Variants in SEMA3A observed in about 807,000 individuals in gnomAD.
SEMA3A encodes the protein semaphorin-3A.
Under a neutral mutation model 97.9 loss-of-function variants are expected in SEMA3A, and 29 were observed. That is an observed-to-expected ratio of 0.30 (90% confidence interval 0.22 to 0.40). SEMA3A has a LOEUF of 0.40. Among genes scored for constraint, SEMA3A ranks in the 10% least tolerant of loss-of-function variants. SEMA3A has a pLI of 1.00. For synonymous variants in SEMA3A, 321 were observed against 323.7 expected (o/e 0.99, Z 0.09); for missense variants, 763 against 951.3 (o/e 0.80, Z 2.60).
intron 3 of SEMA3A, among the ~76,000 whole-genome samples, chr7:84,206,119 C>T (rs1211394270): frequency 1.3e-5 from 2 of 152,100 alleles, no homozygotes; most frequent in East Asian, 3.9e-4. Flanking sequence ...ATCATATTGC[C>T]TTTCCCTCAT....
intron 5 of SEMA3A, among the ~76,000 whole-genome samples, chr7:84,050,571 G>C (rs903718520): frequency 4.6e-5 from 7 of 151,976 alleles, no homozygotes; most frequent in African/African-American, 1.5e-4. Flanking sequence ...TTTTTTTCTT[G>C]TAAATTTGTT....
Position 83,995,586 on chromosome 7 carries a change from C to T in SEMA3A, c.1452+6369G>A, listed in dbSNP as rs140788518. ...TGATGACATTCATTTAAATAAGCTACGGGGATTTTTTTCTGAGAAATAGCA... is the reference window on the plus strand; with the variant it reads ...TGATGACATTCATTTAAATAAGCTATGGGGATTTTTTTCTGAGAAATAGCA... On this transcript the variant is annotated intron_variant, in intron 12 of 16. Transcript: ENST00000265362. Among the ~76,000 whole-genome samples the T allele has an allele frequency of 7.9e-5, 12 of 152,168 alleles. No homozygotes were observed. The East Asian group carries it at 1.4e-3, about 17-fold the overall frequency.
At chr7:84,294,715 G>A (rs1403506691) in intron 3 of SEMA3A, among the ~76,000 whole-genome samples, 2 of 151,892 alleles carry the variant, frequency 1.3e-5, no homozygotes, top group Admixed American at 6.6e-5. Flanking sequence ...GAAAATAAAG[G>A]TTGAACTGGT....
intron 3 of SEMA3A, among the ~76,000 whole-genome samples, chr7:84,201,268 G>A (rs961629235): frequency 6.6e-6 from 1 of 151,846 alleles, no homozygotes; most frequent in Non-Finnish European, 1.5e-5. Context: ...GCTTGAAGCT[G>A]GTAAGAATAA....
intron 1 of SEMA3A, among the ~76,000 whole-genome samples, chr7:84,380,287 G>A (rs559754047): frequency 3.3e-5 from 5 of 152,114 alleles, no homozygotes; most frequent in Non-Finnish European, 7.4e-5. Context: ...ATTGTCCCAG[G>A]TGTACTGGAA....
At chr7:84,386,944 G>A (rs1276518046) in intron 1 of SEMA3A, among the ~76,000 whole-genome samples, 1 of 152,050 alleles carries the variant, frequency 6.6e-6, no homozygotes, top group Admixed American at 6.6e-5. Context: ...AGGTTGCAGT[G>A]AGCCGAGATC....
At chr7:84,320,046 G>T (rs1444912708) in intron 2 of SEMA3A, among the ~76,000 whole-genome samples, 1 of 152,098 alleles carries the variant, frequency 6.6e-6, no homozygotes, top group Non-Finnish European at 1.5e-5. Flanking sequence ...AAGGACTTCA[G>T]TTGAATCACT....
intron 1 of SEMA3A, among the ~76,000 whole-genome samples, chr7:84,163,564 T>C (rs1263107538): frequency 6.6e-6 from 1 of 152,168 alleles, no homozygotes; most frequent in Non-Finnish European, 1.5e-5. Context: ...AACAAAATGA[T>C]ATAATAAAAT....
intron 3 of SEMA3A, among the ~76,000 whole-genome samples, chr7:84,204,633 T>G (rs1199330411): frequency 6.6e-6 from 1 of 152,184 alleles, no homozygotes; most frequent in Admixed American, 6.5e-5. Flanking sequence ...GGATCTAGGC[T>G]CTTATTAATT....
intron 1 of SEMA3A, among the ~76,000 whole-genome samples, chr7:84,378,557 G>A (rs34465986): frequency 0.13 from 19,680 of 151,986 alleles, 1,451 homozygotes; most frequent in East Asian, 0.28. Context: ...GGGGCCTTTC[G>A]GGGTGTTGGG....
chr7:84,254,962 TAAG>T (rs771183496), intron 3 of SEMA3A, among the ~76,000 whole-genome samples: 13 of 152,176 alleles, frequency 8.5e-5, no homozygotes, highest in Non-Finnish European at 1.3e-4. Flanking sequence ...GTACTTCATT[TAAG>T]AAGAATGTGA....
At chr7:84,482,625 A>G (rs1322132940) in intron 1 of SEMA3A, among the ~76,000 whole-genome samples, 1 of 152,156 alleles carries the variant, frequency 6.6e-6, no homozygotes, top group African/African-American at 2.4e-5. Flanking sequence ...AGAACAGCCC[A>G]AGTACCCACC....
intron 1 of SEMA3A, among the ~76,000 whole-genome samples, chr7:84,188,313 C>A (rs1022846770): frequency 2.0e-5 from 3 of 151,956 alleles, no homozygotes; most frequent in Admixed American, 6.6e-5. Context: ...TTGACAGACT[C>A]CAGCTTTGTT....
rs573266837 is a variant in SEMA3A at position 84,102,988 on chromosome 7, C to T, written c.453+7482G>A. Among the ~76,000 whole-genome samples the T allele has an allele frequency of 2.6e-5, 4 of 152,030 alleles. No individual in the cohort carries two copies. The South Asian group carries it at 8.3e-4, about 32-fold the overall frequency. ...TTTTGACAGTAACTAAGTATATGCT[C>T]TTTATATTTAAAATTAAGTACCAGC... On this transcript the variant is annotated intron_variant, in intron 4 of 16. Coordinates refer to ENST00000265362, the MANE Select transcript of SEMA3A (RefSeq NM_006080.3).
intron 1 of SEMA3A, among the ~76,000 whole-genome samples, chr7:84,186,604 A>G (rs1024514751): frequency 1.4e-4 from 21 of 152,112 alleles, no homozygotes; most frequent in Non-Finnish European, 1.5e-5. Context: ...GCCCAAATAC[A>G]TTTCTAAGAG....
chr7:84,486,846 T>C (rs1806586365), intron 1 of SEMA3A, among the ~76,000 whole-genome samples: 1 of 152,112 alleles, frequency 6.6e-6, no homozygotes, highest in African/African-American at 2.4e-5. Context: ...CAGAAAAACA[T>C]CATTATGTAG....
intron 1 of SEMA3A, among the ~76,000 whole-genome samples, chr7:84,443,741 T>C (rs1327918974): frequency 2.0e-5 from 3 of 152,176 alleles, no homozygotes; most frequent in Non-Finnish European, 4.4e-5. Context: ...TTACAGATGT[T>C]CTCTGGCCTT....
At chr7:84,227,521 A>G (rs563989081) in intron 3 of SEMA3A, among the ~76,000 whole-genome samples, 2 of 152,206 alleles carry the variant, frequency 1.3e-5, no homozygotes, top group South Asian at 2.1e-4. Context: ...AATTTATTCA[A>G]TTGAACTCTG....
chr7:84,153,223 T>A (rs1796734133), intron 1 of SEMA3A, among the ~76,000 whole-genome samples: 1 of 152,180 alleles, frequency 6.6e-6, no homozygotes, highest in Non-Finnish European at 1.5e-5. Flanking sequence ...TTCAGGTAGT[T>A]GAAAATGCTC....
Sources: allele counts gnomAD v4.1 joint callset (sites outside exome capture counted in the v4.1 genomes callset), GRCh38; gene constraint gnomAD v4.1.1; transcripts MANE v1.5; gene names NCBI Gene and HGNC (gene_info 2026-07-23, HGNC 2026-07-21).